HEXA: variants seen among roughly 807,000 people sequenced by gnomAD.
The protein encoded by HEXA is hexosaminidase subunit alpha.
Under a neutral mutation model 73.3 loss-of-function variants are expected in HEXA, and 54 were observed. The ratio of observed to expected loss-of-function variants is 0.74; its 90% CI spans 0.59 to 0.92. The LOEUF (loss-of-function observed/expected upper bound fraction) is 0.92. Among genes scored for constraint, HEXA ranks in the 40% least tolerant of loss-of-function variants. The pLI is 0.00. For missense variants in HEXA, 649 were observed against 653.0 expected (o/e 0.99, Z 0.07); for synonymous variants, 230 against 246.9 (o/e 0.93, Z 0.64).
In HEXA at chr15:72,349,176, T is replaced by C. The variant is rs1326725996; in HGVS notation, c.889A>G (p.Thr297Ala). 2 of 1,613,514 alleles carry C rather than the reference T, an allele frequency of 1.2e-6. No individual in the cohort carries two copies. The highest frequency in any genetic ancestry group is 1.3e-5 in the African/African-American group (1 of 74,890). Reference protein sequence around the residue: ...FGPVNPSLNNTYEFMSTFFLE... With the variant: ...FGPVNPSLNNAYEFMSTFFLE... ...AAGAATGTGCTCATGAACTCATAGGTATTATTGAGACTGGGATTCACTGGT... is the reference window on the plus strand; with the variant it reads ...AAGAATGTGCTCATGAACTCATAGGCATTATTGAGACTGGGATTCACTGGT... The change falls in exon 8 of 14, where the codon ACC becomes GCC. Residue 297 changes from threonine (T) to alanine (A), a missense_variant. Coordinates refer to ENST00000268097, the MANE Select transcript of HEXA (RefSeq NM_000520.6).
intron 1 of HEXA, among the ~76,000 whole-genome samples, chr15:72,371,770 A>G (rs1402067003): frequency 6.6e-6 from 1 of 152,166 alleles, no homozygotes; most frequent in Non-Finnish European, 1.5e-5. Flanking sequence ...CCAGATTATA[A>G]TGAACTATGC....
intron 8 of HEXA, 146 bp from the exon 9 acceptor site, chr15:72,348,280 GT>G: frequency 5.8e-6 from 4 of 694,782 alleles, no homozygotes; most frequent in South Asian, 4.6e-5. Flanking sequence ...CATGTGGAAA[GT>G]GTGGCCAAGC....
intron 2 of HEXA, chr15:72,355,990 T>G (rs756725306): frequency 3.6e-5 from 17 of 469,034 alleles, no homozygotes; most frequent in South Asian, 2.0e-4. Flanking sequence ...CAGGGGTGAG[T>G]GCAGCACGCG....
chr15:72,343,847 C>A lies in HEXA; in HGVS notation c.*230G>T. 1 of 496,432 alleles carries A rather than the reference C, an allele frequency of 2.0e-6. No homozygotes were observed. The highest frequency in any genetic ancestry group is 3.7e-6 in the Non-Finnish European group (1 of 270,836). 30.8% of individuals were successfully genotyped at this position (496,432 alleles called of 1,614,324 possible). On this transcript the variant is annotated 3_prime_UTR_variant, in exon 14 of 14. Transcript: ENST00000268097. Reference sequence around the variant, plus strand: ...GCCTGGCTGTGCCCTTACCCTAACGCCATTCACACTTTTTTTTTTAAACAC... The same window carrying A: ...GCCTGGCTGTGCCCTTACCCTAACGACATTCACACTTTTTTTTTTAAACAC...
chr15:72,344,213 C>T (rs1366829322), intron 13 of HEXA, 73 bp from the exon 14 acceptor site: 3 of 1,013,594 alleles, frequency 3.0e-6, no homozygotes, highest in Non-Finnish European at 4.7e-6. Flanking sequence ...TCACACCAGT[C>T]AACAGTCTCT....
At chr15:72,371,591 G>GAAAAAAAAAA (rs11299619) in intron 1 of HEXA, among the ~76,000 whole-genome samples, 1 of 121,980 alleles carries the variant, frequency 8.2e-6, no homozygotes, top group African/African-American at 3.8e-5. Context: ...GTCTCTAAAA[G>GAAAAAAAAAA]AAAAAAAAAA....
chr15:72,345,296 T>A lies in HEXA; in HGVS notation c.1526+150A>T. On this transcript the variant is annotated intron_variant, in intron 13 of 13. Coordinates refer to ENST00000268097, the MANE Select transcript of HEXA (RefSeq NM_000520.6). ...TATTTTTTTTTTCCTGAATACTTTT[T>A]ATCGCAGTTGGTTGAATCCGTGGAT... 3 of 1,460,846 alleles carry A rather than the reference T, an allele frequency of 2.1e-6. No homozygotes were observed. The South Asian group carries it at 3.9e-5, about 19-fold the overall frequency. 90.5% of individuals were successfully genotyped at this position (1,460,846 alleles called of 1,614,324 possible).
rs557991143 is a variant in HEXA at position 72,362,512 on chromosome 15, G to A, written c.254-5895C>T. 9.4e-4 allele frequency: 430 copies of A among 455,628 alleles called. 7 individuals carry two copies. The Middle Eastern group carries it at 0.029, about 31-fold the overall frequency. 28.2% of individuals were successfully genotyped at this position (455,628 alleles called of 1,614,324 possible). On this transcript the variant is annotated intron_variant, in intron 1 of 13. Transcript: ENST00000268097. ...GGAATTCAAAAAATGCATATTTTATGATTGTGCTATGTGATAATCAGGCAT... is the reference window on the plus strand; with the variant it reads ...GGAATTCAAAAAATGCATATTTTATAATTGTGCTATGTGATAATCAGGCAT...
intron 1 of HEXA, among the ~76,000 whole-genome samples, chr15:72,371,084 G>C (rs1005783424): frequency 6.6e-6 from 1 of 152,160 alleles, no homozygotes; most frequent in Non-Finnish European, 1.5e-5. Context: ...CCCAATTAAA[G>C]TGGAGAGAAC....
intron 1 of HEXA, 83 bp from the exon 2 acceptor site, chr15:72,356,700 A>G: frequency 6.3e-7 from 1 of 1,591,330 alleles, no homozygotes. Context: ...CTAGTCCCTC[A>G]GCTCACACGC....
At chr15:72,358,089 G>A (rs1419139474) in intron 1 of HEXA, 2 of 152,204 alleles carry the variant, frequency 1.3e-5, no homozygotes, top group Non-Finnish European at 2.9e-5. Flanking sequence ...AAGCAGACAG[G>A]CTACAAACCC....
At chr15:72,346,097 A>C (rs1428853510) in intron 12 of HEXA, 138 bp downstream of exon 12, 2 of 689,960 alleles carry the variant, frequency 2.9e-6, no homozygotes, top group Admixed American at 4.5e-5. Context: ...AATCTTCAGA[A>C]GGCTCGTTGC....
rs11299619 is a variant in HEXA at position 72,371,591 on chromosome 15, G to GA, written c.253+4128dup. ...ACAAAATAAGACCCTGTCTCTAAAA[G>GA]AAAAAAAAAAAAAAAAAAAAAAGAA... On this transcript the variant is annotated intron_variant, in intron 1 of 13. Transcript: ENST00000268097. Among the ~76,000 whole-genome samples, 545 of 121,902 alleles carry GA rather than the reference G, an allele frequency of 4.5e-3. 5 individuals are homozygous for GA. Among genetic ancestry groups the GA allele is most frequent in the African/African-American group, 0.019 (486 of 25,974 alleles). 80.0% of individuals were successfully genotyped at this position (121,902 alleles called of 152,430 possible).
intron 10 of HEXA, among the ~76,000 whole-genome samples, chr15:72,347,211 A>C: frequency 7.4e-5 from 2 of 27,102 alleles, no homozygotes; most frequent in Non-Finnish European, 6.3e-4. Flanking sequence ...AATAGTTCTT[A>C]ATTAAGTTTG....
intron 1 of HEXA, chr15:72,370,508 C>G (rs1052579983): frequency 3.0e-5 from 12 of 395,512 alleles, no homozygotes; most frequent in African/African-American, 4.1e-5. Flanking sequence ...CTGGGCAACA[C>G]AGTAAGACCC....
At chr15:72,351,595 G>T in intron 5 of HEXA, 1 of 352,082 alleles carries the variant, frequency 2.8e-6, no homozygotes, top group South Asian at 2.6e-5. Context: ...ATTTGTGTTC[G>T]GTTGTCTGAC....
At chr15:72,345,693 GC>G in intron 12 of HEXA, 143 bp from the exon 13 acceptor site, 1 of 1,424,980 alleles carries the variant, frequency 7.0e-7, no homozygotes, top group Non-Finnish European at 9.5e-7. Flanking sequence ...ATGAGCCACA[GC>G]CAGGTTGGAT....
At chr15:72,352,359 T>C (rs938465883) in intron 5 of HEXA, among the ~76,000 whole-genome samples, 1 of 148,794 alleles carries the variant, frequency 6.7e-6, no homozygotes, top group Admixed American at 6.9e-5. Flanking sequence ...TCTACCACTC[T>C]GGCAGGCCAA....
rs2088550647 is a variant in HEXA at position 72,341,027 on chromosome 15, AAAGT to A, written c.*3046_*3049del. 1 of 152,158 alleles carries A rather than the reference AAAGT, an allele frequency of 6.6e-6. No homozygotes were observed. Among genetic ancestry groups the A allele is most frequent in the African/African-American group, 2.4e-5 (1 of 41,438 alleles). 9.4% of individuals were successfully genotyped at this position (152,158 alleles called of 1,614,324 possible). ...CTTATTTTTTTTCTTCGTGGAAAAA[AAAGT>A]ATGTGACACATACTTGTCATGCCCT... On this transcript the variant is annotated 3_prime_UTR_variant, in exon 14 of 14. Coordinates refer to ENST00000268097, the MANE Select transcript of HEXA (RefSeq NM_000520.6).
Sources: allele counts gnomAD v4.1 joint callset (sites outside exome capture counted in the v4.1 genomes callset), GRCh38; gene constraint gnomAD v4.1.1; transcripts MANE v1.5; gene names NCBI Gene and HGNC (gene_info 2026-07-23, HGNC 2026-07-21).